Variants in CCDC88C observed in about 807,000 individuals in gnomAD.
CCDC88C encodes the protein coiled-coil and HOOK domain protein 88C.
A neutral mutation model predicts 198.8 loss-of-function variants in CCDC88C; 131 were observed. That is an observed-to-expected ratio of 0.66 (90% CI 0.57 to 0.76). The LOEUF (loss-of-function observed/expected upper bound fraction) is 0.76, where lower values mean the gene tolerates loss of function less well. Among genes scored for constraint, CCDC88C ranks in the 30% least tolerant of loss-of-function variants. The pLI is 0.00. For missense variants in CCDC88C, 2,553 were observed against 2,631.6 expected, an observed-to-expected ratio of 0.97 and a Z score of 0.65; for synonymous variants, 1,166 against 1,114.7, an observed-to-expected ratio of 1.05 and a Z score of -0.92.
In CCDC88C at chr14:91,343,602, G is replaced by A. The variant is rs1273113879; in HGVS notation, c.396C>T (p.Val132=). ...KVLLLVLGCA[V]QCERKEEFIE... ...TGCAGCCCTGCCCAATCCCTACCTG[G>A]ACAGCACAGCCCAGCACCAGCAGCA... Residue 132 remains valine, a synonymous_variant, in exon 5 of 30, where the codon GTC becomes GTT. Transcript: ENST00000389857. 1 of 1,613,660 alleles carries A rather than the reference G, an allele frequency of 6.2e-7. No homozygotes were observed. Among genetic ancestry groups the A allele is most frequent in the Admixed American group, 1.7e-5 (1 of 59,994 alleles).
At chr14:91,413,453 C>T (rs1051481286) in intron 2 of CCDC88C, among the ~76,000 whole-genome samples, 2 of 152,144 alleles carry the variant, frequency 1.3e-5, no homozygotes, top group African/African-American at 4.8e-5. Context: ...AGGGTTAAGG[C>T]TCTTAAATAA....
At chr14:91,304,087 G>A (rs1468056056) in intron 19 of CCDC88C, 109 bp from the exon 20 acceptor site, 1 of 1,304,662 alleles carries the variant, frequency 7.7e-7, no homozygotes, top group East Asian at 2.3e-5. Context: ...GACCCTCAGG[G>A]CAGAAGACCC....
chr14:91,397,492 TCACACA>T (rs967778042), intron 3 of CCDC88C, among the ~76,000 whole-genome samples: 2 of 151,996 alleles, frequency 1.3e-5, no homozygotes, highest in African/African-American at 4.8e-5. Flanking sequence ...ACACTCATAC[TCACACA>T]CACACATTCT....
intron 1 of CCDC88C, 193 bp downstream of exon 1, chr14:91,417,438 G>A (rs1887125202): frequency 1.7e-6 from 1 of 575,048 alleles, no homozygotes; most frequent in Non-Finnish European, 3.0e-6. Flanking sequence ...CGCACAACGG[G>A]GGCGCCGGCT....
At chr14:91,416,392 C>T (rs189576446) in intron 2 of CCDC88C, among the ~76,000 whole-genome samples, 36 of 152,320 alleles carry the variant, frequency 2.4e-4, no homozygotes, top group African/African-American at 8.4e-4. Context: ...AGACACTCTC[C>T]GTTACAGTTC....
At chr14:91,342,205 A>G (rs1893340351) in intron 6 of CCDC88C, 175 bp downstream of exon 6, 1 of 421,972 alleles carries the variant, frequency 2.4e-6, no homozygotes, top group Non-Finnish European at 4.2e-6. Flanking sequence ...TGGCTGATTG[A>G]TGGCTATCTT....
chr14:91,281,881 G>T (rs1296962890), intron 26 of CCDC88C, among the ~76,000 whole-genome samples: 1 of 152,140 alleles, frequency 6.6e-6, no homozygotes, highest in African/African-American at 2.4e-5. Flanking sequence ...AGAGCAATTC[G>T]CTTTCAGCAG....
intron 3 of CCDC88C, among the ~76,000 whole-genome samples, chr14:91,372,528 C>CGGGGGGGGGGGGGGGGGGGGGGGGGGGGG (rs199749681): frequency 4.1e-5 from 1 of 24,534 alleles, no homozygotes; most frequent in Admixed American, 3.6e-4. Context: ...GGCAGTGGTG[C>CGGGGGGGGGGGGGGGGGGGGGGGGGGGGG]GGGGGGGGGC....
intron 20 of CCDC88C, among the ~76,000 whole-genome samples, chr14:91,303,488 C>T (rs956688711): frequency 1.4e-5 from 2 of 147,956 alleles, no homozygotes; most frequent in Admixed American, 6.7e-5. Context: ...CTCCTCCAGG[C>T]TCCACCCCTC....
chr14:91,382,734 T>C (rs1884883877), intron 3 of CCDC88C, among the ~76,000 whole-genome samples: 1 of 152,190 alleles, frequency 6.6e-6, no homozygotes. Context: ...GGGACGACCT[T>C]GTCTGCTTGG....
chr14:91,320,380 C>A (rs1211436111), intron 13 of CCDC88C, among the ~76,000 whole-genome samples: 1 of 152,212 alleles, frequency 6.6e-6, no homozygotes, highest in African/African-American at 2.4e-5. Flanking sequence ...GGTTGGTGAA[C>A]ATGTGGAGGT....
intron 27 of CCDC88C, chr14:91,279,916 T>C (rs976069185): frequency 1.3e-5 from 2 of 152,284 alleles, no homozygotes; most frequent in African/African-American, 4.8e-5. Context: ...AATTTACATC[T>C]GCCCCAAAGG....
intron 3 of CCDC88C, among the ~76,000 whole-genome samples, chr14:91,388,707 A>G (rs901371179): frequency 6.6e-6 from 1 of 152,214 alleles, no homozygotes; most frequent in Non-Finnish European, 1.5e-5. Flanking sequence ...AACACGTGAC[A>G]TTTCAACCAA....
chr14:91,275,144 G>T, intron 29 of CCDC88C, among the ~76,000 whole-genome samples: 1 of 152,178 alleles, frequency 6.6e-6, no homozygotes, highest in East Asian at 1.9e-4. Flanking sequence ...GGGGTAGGGG[G>T]TTAAATATAC....
intron 10 of CCDC88C, among the ~76,000 whole-genome samples, chr14:91,332,517 G>A (rs185684212): frequency 3.5e-4 from 53 of 152,220 alleles, no homozygotes; most frequent in African/African-American, 1.2e-3. Flanking sequence ...CCTGAAGCCC[G>A]GGTCCTTTAT....
intron 10 of CCDC88C, among the ~76,000 whole-genome samples, chr14:91,337,041 T>C (rs1421291439): frequency 1.3e-5 from 2 of 152,110 alleles, no homozygotes; most frequent in Non-Finnish European, 2.9e-5. Flanking sequence ...TCAGCTCACG[T>C]TTTCTAACCA....
At chr14:91,382,171 G>A (rs1019038853) in intron 3 of CCDC88C, among the ~76,000 whole-genome samples, 4 of 152,114 alleles carry the variant, frequency 2.6e-5, no homozygotes, top group Non-Finnish European at 5.9e-5. Context: ...TGTATGGAGC[G>A]CTACTGTCCA....
At position 91,288,204 on chromosome 14, in the gene CCDC88C, C is replaced by CT. The variant is rs539234674; in HGVS notation, c.4441+900dup. ...CGTGGTATATAAAGTAACTGTGCAG[C>CT]TTTCATGGCTCCTGAGAGTTGATGA... On this transcript the variant is annotated intron_variant, in intron 25 of 29. Transcript: ENST00000389857. The surrounding 1 kb of genome is among the most constrained non-coding windows in gnomAD (Gnocchi z 4.2). 2.4e-3 allele frequency among the ~76,000 whole-genome samples: 364 copies of CT among 152,336 alleles called. 1 individual carries two copies. Among genetic ancestry groups the CT allele is most frequent in the African/African-American group, 8.4e-3 (351 of 41,580 alleles).
chr14:91,294,079 G>C (rs988337374), intron 23 of CCDC88C, 94 bp downstream of exon 23: 69 of 1,448,316 alleles, frequency 4.8e-5, no homozygotes, highest in Non-Finnish European at 6.4e-5. Flanking sequence ...GGGCCCAGGG[G>C]CTCCTCTCTG....
Sources: gnomAD v4.1 joint callset for allele counts (sites outside exome capture counted in the v4.1 genomes callset) on GRCh38, gnomAD v4.1.1 for gene constraint, Gnocchi (gnomAD v3.1) non-coding constraint, MANE v1.5 for transcripts, NCBI Gene and HGNC (gene_info 2026-07-23, HGNC 2026-07-21) for gene names.